Variants in GALNT13 observed in about 807,000 individuals in gnomAD.
GALNT13 encodes the protein UDP-GalNAc:polypeptide N-acetylgalactosaminyltransferase 13.
GALNT13 carries 28 observed loss-of-function variants against 64.2 expected under a neutral mutation model. The ratio of observed to expected loss-of-function variants is 0.44; its 90% CI spans 0.32 to 0.60. GALNT13 has a LOEUF of 0.60. Ranked by LOEUF, GALNT13 falls within the 20% of genes least tolerant of loss-of-function variation. The pLI, the probability that GALNT13 is intolerant of heterozygous loss-of-function variation, is 0.05. For missense variants in GALNT13, 577 were observed against 669.8 expected, an observed-to-expected ratio of 0.86 and a Z score of 1.53; for synonymous variants, 214 against 224.6, an observed-to-expected ratio of 0.95 and a Z score of 0.42.
chr2:153,498,443 G>C, the GALNT13 span, among the ~76,000 whole-genome samples: 1 of 152,216 alleles, frequency 6.6e-6, no homozygotes. Context: ...GCGCAGAGCA[G>C]CTAGGGGTAT....
At chr2:153,381,649 G>T in the GALNT13 span, among the ~76,000 whole-genome samples, 2 of 151,980 alleles carry the variant, frequency 1.3e-5, no homozygotes, top group Non-Finnish European at 2.9e-5. Flanking sequence ...GATCAGTAAG[G>T]TCAGATTGCA....
At chr2:153,892,156 G>A (rs994740969) in intron 1 of GALNT13, among the ~76,000 whole-genome samples, 2 of 151,970 alleles carry the variant, frequency 1.3e-5, no homozygotes, top group African/African-American at 2.4e-5. Flanking sequence ...TAGATGAGAA[G>A]CTTTTTCACA....
chr2:153,344,855 T>C, the GALNT13 span, among the ~76,000 whole-genome samples: 2 of 152,208 alleles, frequency 1.3e-5, no homozygotes, highest in African/African-American at 2.4e-5. Flanking sequence ...CATCAAGTTA[T>C]ACACATTAAA....
chr2:153,803,640 G>C, the GALNT13 span, among the ~76,000 whole-genome samples: 11 of 145,426 alleles, frequency 7.6e-5, no homozygotes, highest in African/African-American at 1.8e-4. Flanking sequence ...TGCAGTGAGC[G>C]GAGATAGCGC....
At chr2:154,264,793 G>GA (rs34673909) in intron 8 of GALNT13, among the ~76,000 whole-genome samples, 33 of 140,388 alleles carry the variant, frequency 2.4e-4, no homozygotes, top group African/African-American at 3.2e-4. Context: ...TATCAGAAAA[G>GA]AAAAAAAAAA....
chr2:153,337,457 A>G, the GALNT13 span, among the ~76,000 whole-genome samples: 1 of 152,260 alleles, frequency 6.6e-6, no homozygotes, highest in African/African-American at 2.4e-5. Flanking sequence ...GGAAAAAATT[A>G]TGTAAAATCT....
At chr2:153,213,263 G>C in the GALNT13 span, among the ~76,000 whole-genome samples, 1 of 152,196 alleles carries the variant, frequency 6.6e-6, no homozygotes, top group African/African-American at 2.4e-5. Context: ...GAATGACCCA[G>C]GTGGATGATG....
At chr2:153,150,053 T>C in the GALNT13 span, among the ~76,000 whole-genome samples, 1 of 151,808 alleles carries the variant, frequency 6.6e-6, no homozygotes, top group African/African-American at 2.4e-5. Flanking sequence ...TCATCCATGA[T>C]CTCTTGTCGG....
chr2:153,616,296 G>A, the GALNT13 span, among the ~76,000 whole-genome samples: 1 of 151,920 alleles, frequency 6.6e-6, no homozygotes, highest in Non-Finnish European at 1.5e-5. Context: ...TTATATGTCT[G>A]TTTTTATGCC....
At chr2:153,544,013 C>G in the GALNT13 span, among the ~76,000 whole-genome samples, 20 of 152,158 alleles carry the variant, frequency 1.3e-4, no homozygotes, top group Non-Finnish European at 2.5e-4. Context: ...TGGGAGCACA[C>G]GTCATCAGCT....
chr2:153,606,288 G>T, the GALNT13 span, among the ~76,000 whole-genome samples: 2 of 151,950 alleles, frequency 1.3e-5, no homozygotes, highest in African/African-American at 4.8e-5. Flanking sequence ...CTGAAAACTT[G>T]GGGGCCTATT....
At chr2:154,388,366 T>G (rs905948353) in intron 9 of GALNT13, among the ~76,000 whole-genome samples, 1 of 152,196 alleles carries the variant, frequency 6.6e-6, no homozygotes, top group African/African-American at 2.4e-5. Context: ...TGTTAATTGT[T>G]TCCTTTGCTG....
At chr2:153,545,805 C>G in the GALNT13 span, among the ~76,000 whole-genome samples, 1 of 152,196 alleles carries the variant, frequency 6.6e-6, no homozygotes, top group Non-Finnish European at 1.5e-5. Context: ...TACCCACCCC[C>G]AATCCAGGCA....
intron 11 of GALNT13, among the ~76,000 whole-genome samples, chr2:154,419,480 A>G (rs1057223330): frequency 1.1e-4 from 16 of 152,180 alleles, no homozygotes; most frequent in Non-Finnish European, 2.4e-4. Flanking sequence ...AACATCTACC[A>G]TGTAAGACAT....
chr2:154,193,405 C>T (rs562813033), intron 4 of GALNT13, among the ~76,000 whole-genome samples: 35 of 152,202 alleles, frequency 2.3e-4, no homozygotes, highest in Non-Finnish European at 4.4e-4. Flanking sequence ...ATTAGGTCAT[C>T]TCTCCTTGGG....
chr2:154,164,537 G>T (rs549073585), intron 4 of GALNT13, among the ~76,000 whole-genome samples: 1 of 152,010 alleles, frequency 6.6e-6, no homozygotes, highest in Non-Finnish European at 1.5e-5. Context: ...TCTAAACTTG[G>T]TATCCAGAGA....
the GALNT13 span, among the ~76,000 whole-genome samples, chr2:153,289,170 C>T: frequency 6.6e-6 from 1 of 152,150 alleles, no homozygotes; most frequent in Non-Finnish European, 1.5e-5. Context: ...ATTGATCTTA[C>T]TCTTCAACTT....
the GALNT13 span, among the ~76,000 whole-genome samples, chr2:153,630,812 T>TTATTTATTTATTTA: frequency 1.1e-4 from 4 of 35,248 alleles, no homozygotes; most frequent in African/African-American, 2.6e-4. Context: ...TATATATTTT[T>TTATTTATTTATTTA]TTTTTTTTTT....
chr2:154,214,332 GT>G (rs1172599059), intron 4 of GALNT13, among the ~76,000 whole-genome samples: 2 of 152,050 alleles, frequency 1.3e-5, no homozygotes, highest in African/African-American at 4.8e-5. Context: ...TTTATTACAT[GT>G]TATATTAAAA....
Sources: allele counts gnomAD v4.1 joint callset (sites outside exome capture counted in the v4.1 genomes callset), GRCh38; gene constraint gnomAD v4.1.1; transcripts MANE v1.5; gene names NCBI Gene and HGNC (gene_info 2026-07-23, HGNC 2026-07-21).